The following GPATCH2 variants were observed in gnomAD, a reference collection of about 807,000 sequenced individuals.
The protein encoded by GPATCH2 is G patch domain-containing protein 2.
GPATCH2 carries 51 observed loss-of-function variants against 58.0 expected under a neutral mutation model. The ratio of observed to expected loss-of-function variants is 0.88; its 90% CI spans 0.70 to 1.11. The LOEUF (loss-of-function observed/expected upper bound fraction) is 1.11, where lower values mean the gene tolerates loss of function less well. GPATCH2 is among the 50% of genes most tolerant of loss of function. GPATCH2 has a pLI of 0.00. For missense variants in GPATCH2, 625 were observed against 652.2 expected (o/e 0.96, Z 0.45); for synonymous variants, 222 against 218.5 (o/e 1.02, Z -0.14).
chr1:217,615,986 G>A (rs1390521008), intron 2 of GPATCH2, among the ~76,000 whole-genome samples: 2 of 152,062 alleles, frequency 1.3e-5, no homozygotes, highest in Non-Finnish European at 2.9e-5. Context: ...TAAAAGTAAT[G>A]TGATATTCTG....
intron 5 of GPATCH2, among the ~76,000 whole-genome samples, chr1:217,516,802 G>A (rs1220098357): frequency 6.6e-6 from 1 of 152,066 alleles, no homozygotes; most frequent in Admixed American, 6.5e-5. Flanking sequence ...TTATCTCAGA[G>A]AAAAAATAAA....
intron 5 of GPATCH2, among the ~76,000 whole-genome samples, chr1:217,533,371 G>A (rs573314382): frequency 6.6e-6 from 1 of 152,216 alleles, no homozygotes; most frequent in South Asian, 2.1e-4. Flanking sequence ...CACACCTCCT[G>A]GAGACTAGAA....
Position 217,498,393 on chromosome 1 carries a change from T to C in GPATCH2, c.1169A>G (p.His390Arg). The stretch of plus-strand genomic sequence containing the variant: ...TGTCCTAGCCCCAGGGCTAAACCAA[T>C]GGCTGCAGAGGAAAGAAAAAGGCAG... ...HFSPDSHHHD[H>R]WFSPGARTEH... is the part of the protein sequence containing the mutation. Residue 390 changes from histidine (H) to arginine (R), a missense_variant and splice_region_variant, in exon 7 of 10, where the codon CAT (histidine) becomes CGT (arginine). Transcript: ENST00000366935. 4 of 1,612,538 alleles carry C rather than the reference T, an allele frequency of 2.5e-6. No homozygotes were observed. The highest frequency in any genetic ancestry group is 3.4e-6 in the Non-Finnish European group (4 of 1,178,614).
At chr1:217,454,813 A>G (rs1267860722) in intron 8 of GPATCH2, among the ~76,000 whole-genome samples, 1 of 150,062 alleles carries the variant, frequency 6.7e-6, no homozygotes, top group Non-Finnish European at 1.5e-5. Context: ...TCATATTTTT[A>G]CTAGAGACGG....
chr1:217,532,885 TG>T (rs1249372262), intron 5 of GPATCH2, among the ~76,000 whole-genome samples: 44 of 71,146 alleles, frequency 6.2e-4, no homozygotes, highest in East Asian at 1.9e-3. Flanking sequence ...ATCTTTTTTT[TG>T]TTTTTTTTTT....
intron 5 of GPATCH2, among the ~76,000 whole-genome samples, chr1:217,579,950 G>A (rs1455999926): frequency 6.6e-6 from 1 of 152,150 alleles, no homozygotes; most frequent in African/African-American, 2.4e-5. Context: ...CTAGTTATAT[G>A]TGGCTATTAA....
rs1329130903 is a variant in GPATCH2, at chr1:217,427,955, T to C, written c.*3190A>G. The C allele has an allele frequency of 1.3e-5, 2 of 152,206 alleles. No homozygotes were observed. The highest frequency in any genetic ancestry group is 2.4e-5 in the African/African-American group (1 of 41,460). The allele number at this position is 152,206 out of a possible 1,614,324, so 9.4% of individuals were successfully genotyped here. On this transcript the variant is annotated 3_prime_UTR_variant, in exon 10 of 10. Coordinates refer to ENST00000366935, the MANE Select transcript of GPATCH2 (RefSeq NM_018040.5). ...TGTTTGATAGCCACAGTATGAGTTA[T>C]AAAATATATGGTATTTAAATGCTGA...
chr1:217,606,075 A>T (rs1668347261), intron 5 of GPATCH2, among the ~76,000 whole-genome samples: 1 of 151,900 alleles, frequency 6.6e-6, no homozygotes, highest in Non-Finnish European at 1.5e-5. Flanking sequence ...AAATCTCAGG[A>T]CTCTGTTTGC....
intron 5 of GPATCH2, among the ~76,000 whole-genome samples, chr1:217,521,468 C>T (rs2102597092): frequency 6.6e-6 from 1 of 151,762 alleles, no homozygotes; most frequent in Non-Finnish European, 1.5e-5. Flanking sequence ...AAATCTTCAG[C>T]CAAGGATACT....
chr1:217,599,674 A>T (rs1233221505), intron 5 of GPATCH2, among the ~76,000 whole-genome samples: 3 of 152,186 alleles, frequency 2.0e-5, no homozygotes, highest in African/African-American at 7.2e-5. Context: ...AAGACATCCT[A>T]AGTCTTCATG....
intron 8 of GPATCH2, among the ~76,000 whole-genome samples, chr1:217,486,091 A>G (rs989771777): frequency 6.6e-6 from 1 of 152,196 alleles, no homozygotes; most frequent in African/African-American, 2.4e-5. Context: ...TTTGATTTAG[A>G]TAGTATTTAA....
chr1:217,548,561 C>T (rs1369491266), intron 5 of GPATCH2, among the ~76,000 whole-genome samples: 1 of 152,138 alleles, frequency 6.6e-6, no homozygotes, highest in Non-Finnish European at 1.5e-5. Flanking sequence ...ATTCAGTTCA[C>T]ACAATTTTTA....
At chr1:217,579,652 T>C (rs1256336060) in intron 5 of GPATCH2, among the ~76,000 whole-genome samples, 1 of 152,156 alleles carries the variant, frequency 6.6e-6, no homozygotes, top group African/African-American at 2.4e-5. Flanking sequence ...ACCACCAAAA[T>C]ACTTACTTTT....
intron 8 of GPATCH2, among the ~76,000 whole-genome samples, chr1:217,483,289 A>T (rs923796682): frequency 6.6e-6 from 1 of 151,890 alleles, no homozygotes; most frequent in Non-Finnish European, 1.5e-5. Context: ...GGCTCAAGCA[A>T]TCCTCCTACC....
chr1:217,570,522 G>T (rs1219285070), intron 5 of GPATCH2, among the ~76,000 whole-genome samples: 1 of 152,166 alleles, frequency 6.6e-6, no homozygotes, highest in Non-Finnish European at 1.5e-5. Context: ...GCCCAAGACA[G>T]AGAACATTTT....
intron 2 of GPATCH2, among the ~76,000 whole-genome samples, chr1:217,615,358 A>G (rs1390305826): frequency 2.0e-5 from 3 of 152,130 alleles, no homozygotes; most frequent in Non-Finnish European, 4.4e-5. Context: ...GCTTTCTTCC[A>G]AATTAAGTGC....
chr1:217,440,186 T>G (rs2102536013), intron 9 of GPATCH2, among the ~76,000 whole-genome samples: 1 of 152,332 alleles, frequency 6.6e-6, no homozygotes, highest in African/African-American at 2.4e-5. Flanking sequence ...GCTTCATCCC[T>G]GGGATGCAAG....
chr1:217,480,113 G>T (rs947680038), intron 8 of GPATCH2, among the ~76,000 whole-genome samples: 1 of 151,868 alleles, frequency 6.6e-6, no homozygotes, highest in African/African-American at 2.4e-5. Flanking sequence ...CATGAGCAAA[G>T]GCAACCAAAG....
At chr1:217,607,702 T>C (rs1668426871) in intron 5 of GPATCH2, among the ~76,000 whole-genome samples, 1 of 152,206 alleles carries the variant, frequency 6.6e-6, no homozygotes, top group African/African-American at 2.4e-5. Flanking sequence ...TATTCCCTAA[T>C]TCAATGTTTT....
Sources: gnomAD v4.1 joint callset for allele counts (sites outside exome capture counted in the v4.1 genomes callset) on GRCh38, gnomAD v4.1.1 for gene constraint, MANE v1.5 for transcripts, NCBI Gene and HGNC (gene_info 2026-07-23, HGNC 2026-07-21) for gene names.